CLVS1: variants seen among roughly 807,000 people sequenced by gnomAD.
CLVS1 encodes the protein clavesin 1.
CLVS1 carries 10 observed loss-of-function variants against 33.1 expected under a neutral mutation model. The ratio of observed to expected loss-of-function variants is 0.30; its 90% CI spans 0.19 to 0.51. The LOEUF is 0.51. CLVS1 is among the 20% of genes least tolerant of loss of function. The probability of loss-of-function intolerance (pLI) is 0.97; values close to 1 mark genes in which losing one functional copy is unlikely to be tolerated. For missense variants in CLVS1, 343 were observed against 433.4 expected (o/e 0.79, Z 1.85); for synonymous variants, 163 against 166.1 (o/e 0.98, Z 0.14).
the CLVS1 span, among the ~76,000 whole-genome samples, chr8:60,993,635 C>T: frequency 3.9e-4 from 59 of 152,334 alleles, no homozygotes; most frequent in East Asian, 0.011. Flanking sequence ...CTGACTGCCT[C>T]CCAGCCTGGT....
At chr8:61,156,673 A>T (rs1038978658) in intron 2 of CLVS1, among the ~76,000 whole-genome samples, 2 of 152,224 alleles carry the variant, frequency 1.3e-5, no homozygotes, top group Non-Finnish European at 2.9e-5. Flanking sequence ...TTGGAAGGAA[A>T]ATTTTTAAAC....
chr8:61,105,681 CATT>C (rs1805520778), intron 1 of CLVS1, among the ~76,000 whole-genome samples: 1 of 152,234 alleles, frequency 6.6e-6, no homozygotes, highest in South Asian at 2.1e-4. Context: ...AGGCATGTAT[CATT>C]GTATTCTCTT....
chr8:61,150,250 C>A (rs1806502200), intron 2 of CLVS1, among the ~76,000 whole-genome samples: 1 of 152,058 alleles, frequency 6.6e-6, no homozygotes. Flanking sequence ...TTCTCCAAGC[C>A]CAGGAATGCC....
At chr8:61,409,641 A>G (rs1388283669) in intron 3 of CLVS1, among the ~76,000 whole-genome samples, 2 of 152,210 alleles carry the variant, frequency 1.3e-5, no homozygotes, top group African/African-American at 4.8e-5. Flanking sequence ...TTGCACATGT[A>G]CAATTATCTA....
intron 1 of CLVS1, among the ~76,000 whole-genome samples, chr8:61,060,971 C>T (rs980343549): frequency 2.6e-5 from 4 of 152,162 alleles, no homozygotes; most frequent in Non-Finnish European, 5.9e-5. Flanking sequence ...GGAGAAATAA[C>T]TTCACACACT....
chr8:61,232,023 G>GTTTGTTTGTTTGTTTTTTTT, intron 2 of CLVS1, among the ~76,000 whole-genome samples: 14 of 62,656 alleles, frequency 2.2e-4, no homozygotes, highest in African/African-American at 4.7e-4. Flanking sequence ...GAAAGTTGTG[G>GTTTGTTTGTTTGTTTTTTTT]TTTTTTTTTT....
chr8:61,406,285 A>G (rs1388612235), intron 3 of CLVS1, among the ~76,000 whole-genome samples: 1 of 152,188 alleles, frequency 6.6e-6, no homozygotes, highest in Non-Finnish European at 1.5e-5. Context: ...TAAACTCCAA[A>G]CCATTCTACA....
chr8:61,171,690 A>T (rs1807003866), intron 2 of CLVS1, among the ~76,000 whole-genome samples: 1 of 152,222 alleles, frequency 6.6e-6, no homozygotes, highest in Non-Finnish European at 1.5e-5. Flanking sequence ...TGAGTGCACA[A>T]GGGGATAAAA....
intron 1 of CLVS1, among the ~76,000 whole-genome samples, chr8:61,090,654 C>CT (rs1205660324): frequency 6.6e-6 from 1 of 152,110 alleles, no homozygotes; most frequent in Non-Finnish European, 1.5e-5. Context: ...CCAGAGACTC[C>CT]TTTTTTCTTT....
chr8:61,064,536 C>CTTTTTTTTTTTT (rs1563389429), intron 1 of CLVS1, among the ~76,000 whole-genome samples: 3 of 141,444 alleles, frequency 2.1e-5, no homozygotes, highest in Non-Finnish European at 3.0e-5. Context: ...GTTCTTTGCC[C>CTTTTTTTTTTTT]ATTTTTTTTT....
chr8:61,416,269 T>C (rs1815425632), intron 3 of CLVS1, among the ~76,000 whole-genome samples: 1 of 151,508 alleles, frequency 6.6e-6, no homozygotes, highest in Non-Finnish European at 1.5e-5. Flanking sequence ...CTAGAAAGCA[T>C]TAGTTGAACA....
intron 3 of CLVS1, among the ~76,000 whole-genome samples, chr8:61,396,346 G>A (rs1274072569): frequency 6.6e-6 from 1 of 151,844 alleles, no homozygotes; most frequent in Non-Finnish European, 1.5e-5. Flanking sequence ...AAAATAAAAA[G>A]TAATAAAAAA....
chr8:61,092,638 C>T (rs184559198), intron 1 of CLVS1, among the ~76,000 whole-genome samples: 55 of 152,292 alleles, frequency 3.6e-4, no homozygotes, highest in Non-Finnish European at 6.9e-4. Context: ...TTTCCAGGGC[C>T]AGGATTCACA....
chr8:61,337,854 G>A (rs990592768), intron 2 of CLVS1, among the ~76,000 whole-genome samples: 4 of 152,152 alleles, frequency 2.6e-5, no homozygotes, highest in Non-Finnish European at 5.9e-5. Context: ...TCATGCAGAG[G>A]ACTAGAAAAC....
At chr8:61,245,941 A>T (rs931323287) in intron 2 of CLVS1, among the ~76,000 whole-genome samples, 6 of 146,634 alleles carry the variant, frequency 4.1e-5, no homozygotes, top group African/African-American at 1.6e-4. Flanking sequence ...TTAATTAAAA[A>T]AAAATTTTTT....
At chr8:61,162,149 A>G (rs114734378) in intron 2 of CLVS1, among the ~76,000 whole-genome samples, 3,987 of 152,038 alleles carry the variant, frequency 0.026, 167 homozygotes, top group African/African-American at 0.09. Flanking sequence ...AGCTCATTCA[A>G]TCACTCAGAA....
Position 61,452,423 on chromosome 8 carries a change from G to A in CLVS1, c.631-1718G>A, listed in dbSNP as rs957793723. Among the ~76,000 whole-genome samples the A allele has an allele frequency of 3.9e-5, 6 of 152,190 alleles. No homozygotes were observed. The South Asian group carries it at 1.2e-3, about 32-fold the overall frequency. ...CTTATTCTTCTTCTGTCACCCCTCA[G>A]AACCACATTTAGTATGTGAAATAAT... is the stretch of plus-strand genomic sequence containing the variant. On this transcript the variant is annotated intron_variant, in intron 3 of 5. Coordinates refer to ENST00000325897, the MANE Select transcript of CLVS1 (RefSeq NM_173519.3).
chr8:61,162,115 T>C (rs1806764346), intron 2 of CLVS1, among the ~76,000 whole-genome samples: 1 of 152,230 alleles, frequency 6.6e-6, no homozygotes, highest in East Asian at 1.9e-4. Context: ...AGAAACTTTG[T>C]CCCAGGCCAT....
chr8:61,111,934 T>A (rs905248106), intron 1 of CLVS1, among the ~76,000 whole-genome samples: 2 of 152,210 alleles, frequency 1.3e-5, no homozygotes, highest in Non-Finnish European at 2.9e-5. Flanking sequence ...CAGTCTTCTT[T>A]TAATAATCTT....
Sources: gnomAD v4.1 joint callset for allele counts (sites outside exome capture counted in the v4.1 genomes callset) on GRCh38, gnomAD v4.1.1 for gene constraint, MANE v1.5 for transcripts, NCBI Gene and HGNC (gene_info 2026-07-23, HGNC 2026-07-21) for gene names.